Variants in SLC22A24 observed in about 807,000 individuals in gnomAD.
SLC22A24 encodes steroid transmembrane transporter SLC22A24.
SLC22A24 carries 53 observed loss-of-function variants against 49.8 expected under a neutral mutation model. The observed-to-expected ratio is 1.06, with a 90% CI of 0.85 to 1.34. The LOEUF (loss-of-function observed/expected upper bound fraction) is 1.34. Among genes scored for constraint, SLC22A24 ranks in the 40% most tolerant of loss-of-function variants. The pLI, the probability that SLC22A24 is intolerant of heterozygous loss-of-function variation, is 0.00. For synonymous variants in SLC22A24, 302 were observed against 256.4 expected (o/e 1.18, Z -1.70); for missense variants, 786 against 675.9 (o/e 1.16, Z -1.81).
chr11:63,081,322 C>A (rs2086958818), intron 8 of SLC22A24, among the ~76,000 whole-genome samples, 199 bp from the exon 9 acceptor site: 1 of 152,110 alleles, frequency 6.6e-6, no homozygotes, highest in African/African-American at 2.4e-5. Context: ...TGCTCTTAAC[C>A]TTAGTTTCAT....
chr11:63,087,024 G>GCACA (rs1555045310), intron 6 of SLC22A24, among the ~76,000 whole-genome samples: 2,419 of 132,568 alleles, frequency 0.018, 36 homozygotes, highest in African/African-American at 0.038. Flanking sequence ...CCTGGAGGGC[G>GCACA]CACACACACA....
At chr11:63,135,525 G>A (rs1590751315) in intron 1 of SLC22A24, among the ~76,000 whole-genome samples, 1 of 152,172 alleles carries the variant, frequency 6.6e-6, no homozygotes, top group East Asian at 1.9e-4. Flanking sequence ...TTAATATTAG[G>A]TTGGTGCAAA....
intron 4 of SLC22A24, among the ~76,000 whole-genome samples, chr11:63,104,909 A>G (rs2087111166): frequency 6.6e-6 from 1 of 152,176 alleles, no homozygotes; most frequent in African/African-American, 2.4e-5. Context: ...CCACAGTCCA[A>G]AGTCTCTTCT....
chr11:63,143,467 A>T lies in SLC22A24; in HGVS notation c.313T>A (p.Phe105Ile). 6.3e-7 allele frequency: 1 copy of T among 1,595,340 alleles called. No individual in the cohort carries two copies. Among genetic ancestry groups the T allele is most frequent in the Non-Finnish European group, 8.5e-7 (1 of 1,171,220 alleles). ...QWQLLHLNGTFPNTNEPDTEP... is the reference protein window; with the variant it reads ...QWQLLHLNGTIPNTNEPDTEP... ...GTGTCTGGCTCATTTGTGTTGGGGA[A>T]GGTCCCGTTCAGGTGAAGGAGCTGC... is the stretch of plus-strand genomic sequence containing the variant. The change falls in exon 1 of 10, where the codon TTC (phenylalanine) becomes ATC (isoleucine). Residue 105 changes from phenylalanine to isoleucine, a missense_variant. Phe to Ile is a conservative substitution (Grantham distance 21, BLOSUM62 0). Transcript: ENST00000612278.
chr11:63,096,127 A>G (rs1171298699), intron 5 of SLC22A24, 21 bp from the exon 6 acceptor site: 1 of 1,463,790 alleles, frequency 6.8e-7, no homozygotes, highest in East Asian at 2.5e-5. Flanking sequence ...AAAAATAACA[A>G]CAAGCATTTG....
chr11:63,121,759 G>A (rs1429398275), intron 2 of SLC22A24, among the ~76,000 whole-genome samples: 1 of 151,836 alleles, frequency 6.6e-6, no homozygotes, highest in Non-Finnish European at 1.5e-5. Context: ...TTTAGCATTA[G>A]GTATATCTCC....
rs1281645801 is a variant in SLC22A24, at chr11:63,094,741, G to A, written c.1070+1250C>T. Among the ~76,000 whole-genome samples the A allele has an allele frequency of 2.6e-5, 4 of 152,316 alleles. No homozygotes were observed. The East Asian group carries it at 5.8e-4, about 22-fold the overall frequency. Reference sequence around the variant, plus strand: ...TTTCTCTGATGGCCAGTGATGGTGAGCATTTTTTCATGTGTCTTTTGGCTG... The same window carrying A: ...TTTCTCTGATGGCCAGTGATGGTGAACATTTTTTCATGTGTCTTTTGGCTG... On this transcript the variant is annotated intron_variant, in intron 6 of 9. Transcript: ENST00000612278.
intron 5 of SLC22A24, among the ~76,000 whole-genome samples, chr11:63,101,689 A>C (rs1300235603): frequency 6.6e-6 from 1 of 152,126 alleles, no homozygotes; most frequent in Non-Finnish European, 1.5e-5. Flanking sequence ...GGGGCAACCT[A>C]AGTGTCCATC....
At chr11:63,126,677 T>C (rs2087293302) in intron 2 of SLC22A24, among the ~76,000 whole-genome samples, 2 of 152,202 alleles carry the variant, frequency 1.3e-5, no homozygotes, top group Non-Finnish European at 1.5e-5. Flanking sequence ...TTAAAGCAGT[T>C]TTTTCCAATT....
intron 6 of SLC22A24, among the ~76,000 whole-genome samples, chr11:63,085,989 A>G (rs2086984973): frequency 6.6e-6 from 1 of 152,156 alleles, no homozygotes. Flanking sequence ...AAGGAGATCC[A>G]ATCTCACACC....
intron 4 of SLC22A24, among the ~76,000 whole-genome samples, chr11:63,108,810 G>A (rs1453309156): frequency 6.7e-6 from 1 of 149,004 alleles, no homozygotes; most frequent in Non-Finnish European, 1.5e-5. Context: ...GCATCTATTT[G>A]ATTCTTTTTT....
chr11:63,121,465 G>A lies in SLC22A24; in HGVS notation c.507-2130C>T, dbSNP rs533785163. ...ACTATGAAGAACTATGAAATAGTTT[G>A]AAGCAGCAGACTAGATATGCACATG... On this transcript the variant is annotated intron_variant, in intron 2 of 9. Transcript: ENST00000612278. Among the ~76,000 whole-genome samples the A allele has an allele frequency of 1.6e-3, 237 of 152,150 alleles. 1 individual carries two copies. Among genetic ancestry groups the A allele is most frequent in the African/African-American group, 5.4e-3 (226 of 41,524 alleles).
At chr11:63,143,120 T>G (rs2087426876) in intron 1 of SLC22A24, among the ~76,000 whole-genome samples, 1 of 152,194 alleles carries the variant, frequency 6.6e-6, no homozygotes, top group Non-Finnish European at 1.5e-5. Flanking sequence ...AATAAAGATG[T>G]GTTTGAGCCT....
intron 6 of SLC22A24, among the ~76,000 whole-genome samples, chr11:63,090,080 C>CAAAAAAAAAAAAAAAAAAAAAAA (rs60285946): frequency 3.1e-5 from 2 of 64,692 alleles, no homozygotes; most frequent in Non-Finnish European, 5.3e-5. Flanking sequence ...GACTCTGTCT[C>CAAAAAAAAAAAAAAAAAAAAAAA]AAAAAAAAAA....
intron 8 of SLC22A24, 143 bp downstream of exon 8, chr11:63,081,415 A>G (rs2086959375): frequency 4.5e-6 from 3 of 671,556 alleles, no homozygotes; most frequent in Non-Finnish European, 7.9e-6. Flanking sequence ...ATAATAGCAC[A>G]TATATGGCTC....
At chr11:63,124,302 G>T (rs2087272912) in intron 2 of SLC22A24, among the ~76,000 whole-genome samples, 1 of 152,110 alleles carries the variant, frequency 6.6e-6, no homozygotes, top group Non-Finnish European at 1.5e-5. Flanking sequence ...CTAGCTCCTG[G>T]GGGGAAGAAA....
chr11:63,111,271 T>G (rs1435973406), intron 4 of SLC22A24, among the ~76,000 whole-genome samples: 1 of 151,966 alleles, frequency 6.6e-6, no homozygotes, highest in African/African-American at 2.4e-5. Context: ...TTGAGGATAT[T>G]TGCATCAATG....
At chr11:63,134,017 C>G (rs116957521) in intron 2 of SLC22A24, among the ~76,000 whole-genome samples, 2,339 of 152,306 alleles carry the variant, frequency 0.015, 27 homozygotes, top group Middle Eastern at 0.054. Context: ...TAAATACAAT[C>G]TATTTTGTAT....
chr11:63,113,652 G>A (rs908712225), intron 4 of SLC22A24, among the ~76,000 whole-genome samples: 2 of 151,932 alleles, frequency 1.3e-5, no homozygotes, highest in South Asian at 2.1e-4. Context: ...TCAGGGGATC[G>A]AGAACATCCT....
Sources: gnomAD v4.1 joint callset for allele counts (sites outside exome capture counted in the v4.1 genomes callset) on GRCh38, gnomAD v4.1.1 for gene constraint, MANE v1.5 for transcripts, NCBI Gene and HGNC (gene_info 2026-07-23, HGNC 2026-07-21) for gene names.